The following LRP1B variants were observed in gnomAD, a reference collection of about 807,000 sequenced individuals.
LRP1B encodes LDL receptor related protein 1B.
Under a neutral mutation model 556.6 loss-of-function variants are expected in LRP1B, and 217 were observed. The ratio of observed to expected loss-of-function variants is 0.39; its 90% CI spans 0.35 to 0.44. The LOEUF (loss-of-function observed/expected upper bound fraction) is 0.44. LRP1B is among the 20% of genes least tolerant of loss of function. The pLI is 1.00. For synonymous variants in LRP1B, 2,047 were observed against 1,865.8 expected (o/e 1.10, Z -2.50); for missense variants, 5,053 against 5,620.8 (o/e 0.90, Z 3.23).
chr2:142,115,671 G>A lies in LRP1B; in HGVS notation c.82+14977C>T, dbSNP rs1480039989. On this transcript the variant is annotated intron_variant, in intron 1 of 90. Coordinates refer to ENST00000389484, the MANE Select transcript of LRP1B (RefSeq NM_018557.3). ...TATATATTATATGTAATATATATAT[G>A]TAATATATATATAATATATATGTAA... 2.5e-3 allele frequency among the ~76,000 whole-genome samples: 12 copies of A among 4,800 alleles called. 5 individuals are homozygous for A. Among genetic ancestry groups the A allele is most frequent in the Admixed American group, 0.013 (2 of 154 alleles). The allele number at this position is 4,800 out of a possible 152,430, so 3.1% of individuals were successfully genotyped here.
At chr2:141,915,336 A>C (rs7584130) in intron 1 of LRP1B, among the ~76,000 whole-genome samples, 129,483 of 151,940 alleles carry the variant, frequency 0.85, 55,405 homozygotes, top group East Asian at 1. Flanking sequence ...ATACAACAAT[A>C]CAGCATACAA....
chr2:140,291,992 G>A (rs756363457), intron 84 of LRP1B, among the ~76,000 whole-genome samples: 6 of 152,060 alleles, frequency 3.9e-5, no homozygotes, highest in Non-Finnish European at 8.8e-5. Flanking sequence ...ACTTTTTAAT[G>A]ATCACCCTTC....
At chr2:141,699,772 G>A (rs1414357656) in intron 2 of LRP1B, among the ~76,000 whole-genome samples, 1 of 150,624 alleles carries the variant, frequency 6.6e-6, no homozygotes. Context: ...GTACAAGCAT[G>A]TGAATATTTG....
At chr2:140,672,345 G>A (rs1476984635) in intron 41 of LRP1B, among the ~76,000 whole-genome samples, 3 of 151,984 alleles carry the variant, frequency 2.0e-5, no homozygotes, top group East Asian at 1.9e-4. Context: ...TTAGCTGGGC[G>A]TGGTGGTGTG....
At chr2:140,827,322 C>T (rs116073015) in intron 31 of LRP1B, among the ~76,000 whole-genome samples, 1 of 151,966 alleles carries the variant, frequency 6.6e-6, no homozygotes, top group African/African-American at 2.4e-5. Flanking sequence ...GCTCTCAGAT[C>T]AAGAATTCAA....
At chr2:141,240,310 G>C (rs1028939145) in intron 5 of LRP1B, among the ~76,000 whole-genome samples, 1 of 151,900 alleles carries the variant, frequency 6.6e-6, no homozygotes, top group African/African-American at 2.4e-5. Context: ...AGTCCCTGTT[G>C]ATTGCAATTG....
At chr2:141,427,869 AT>A (rs959027049) in intron 3 of LRP1B, among the ~76,000 whole-genome samples, 11 of 152,176 alleles carry the variant, frequency 7.2e-5, no homozygotes, top group African/African-American at 2.4e-4. Flanking sequence ...TATTGCACTG[AT>A]AGTGCACAAT....
intron 2 of LRP1B, among the ~76,000 whole-genome samples, chr2:141,673,883 G>A (rs964180220): frequency 6.6e-6 from 1 of 151,608 alleles, no homozygotes. Flanking sequence ...TATATTTATG[G>A]GGTATATGGG....
intron 7 of LRP1B, among the ~76,000 whole-genome samples, chr2:141,185,764 G>T (rs1681223065): frequency 6.6e-6 from 1 of 151,168 alleles, no homozygotes; most frequent in Non-Finnish European, 1.5e-5. Context: ...AGAATAGGAG[G>T]TTGAGAAAAA....
intron 77 of LRP1B, among the ~76,000 whole-genome samples, chr2:140,338,003 G>A (rs893977483): frequency 6.6e-6 from 1 of 151,690 alleles, no homozygotes; most frequent in Middle Eastern, 3.4e-3. Flanking sequence ...ATTTTACTAA[G>A]GGTGAATTGT....
chr2:140,918,354 G>A (rs147050194), intron 21 of LRP1B, among the ~76,000 whole-genome samples: 46 of 151,990 alleles, frequency 3.0e-4, no homozygotes, highest in African/African-American at 1.1e-3. Flanking sequence ...ATTGGTTTAA[G>A]TTTATTAAAC....
intron 21 of LRP1B, 93 bp downstream of exon 21, chr2:140,922,872 C>CT: frequency 9.0e-7 from 1 of 1,106,900 alleles, no homozygotes; most frequent in African/African-American, 1.6e-5. Flanking sequence ...TATAAGATTA[C>CT]TTTTTACAAA....
chr2:142,117,599 T>TTG lies in LRP1B; in HGVS notation c.82+13047_82+13048dup, dbSNP rs760008003. Among the ~76,000 whole-genome samples, 93 of 151,236 alleles carry TTG rather than the reference T, an allele frequency of 6.1e-4. 1 individual carries two copies. The East Asian group carries it at 0.011, about 19-fold the overall frequency. On this transcript the variant is annotated intron_variant, in intron 1 of 90. Coordinates refer to ENST00000389484, the MANE Select transcript of LRP1B (RefSeq NM_018557.3). ...ATTGGTTCCCACAATGGATTTTTATTTGTGTGTGTGTGTGTTTGTGTGTGT... is the reference window on the plus strand; with the variant it reads ...ATTGGTTCCCACAATGGATTTTTATTTGTGTGTGTGTGTGTGTTTGTGTGTGT...
intron 2 of LRP1B, among the ~76,000 whole-genome samples, chr2:141,716,377 C>T (rs941242660): frequency 3.9e-5 from 6 of 152,022 alleles, no homozygotes; most frequent in South Asian, 2.1e-4. Flanking sequence ...TTGAGAGTCA[C>T]GGATGCTAGT....
intron 78 of LRP1B, among the ~76,000 whole-genome samples, chr2:140,335,383 A>G (rs1260467434): frequency 2.0e-5 from 3 of 152,022 alleles, no homozygotes; most frequent in African/African-American, 7.2e-5. Flanking sequence ...ACACATACAG[A>G]CACACAGGCA....
At chr2:140,525,438 G>A (rs1325142421) in intron 49 of LRP1B, among the ~76,000 whole-genome samples, 1 of 151,892 alleles carries the variant, frequency 6.6e-6, no homozygotes, top group Non-Finnish European at 1.5e-5. Flanking sequence ...AAAGGATTTT[G>A]TAAACTGCAT....
intron 66 of LRP1B, among the ~76,000 whole-genome samples, chr2:140,441,743 C>G (rs924078470): frequency 6.6e-5 from 10 of 152,118 alleles, no homozygotes; most frequent in Non-Finnish European, 1.0e-4. Flanking sequence ...TAATCAATTA[C>G]TAGATGAAAT....
intron 79 of LRP1B, among the ~76,000 whole-genome samples, chr2:140,331,130 A>G (rs1211139485): frequency 6.6e-6 from 1 of 152,160 alleles, no homozygotes; most frequent in Admixed American, 6.5e-5. Context: ...GTGTATGTTC[A>G]CTGTAGCACT....
Position 141,836,952 on chromosome 2 carries a change from A to C in LRP1B, c.83-26551T>G, listed in dbSNP as rs375759339. Among the ~76,000 whole-genome samples the C allele has an allele frequency of 5.7e-4, 87 of 152,096 alleles. 1 individual carries two copies. In the South Asian group the frequency reaches 8.7e-3, roughly 15 times the overall value. On this transcript the variant is annotated intron_variant, in intron 1 of 90. Coordinates refer to ENST00000389484, the MANE Select transcript of LRP1B (RefSeq NM_018557.3). ...TAATTTGTACTTTGTGATTTTCTTT[A>C]AAACAATTAAGTTTATATGTGTAAA...
Sources: allele counts gnomAD v4.1 joint callset (sites outside exome capture counted in the v4.1 genomes callset), GRCh38; gene constraint gnomAD v4.1.1; transcripts MANE v1.5; gene names NCBI Gene and HGNC (gene_info 2026-07-23, HGNC 2026-07-21).